KCNE3: variants seen among roughly 807,000 people sequenced by gnomAD.
KCNE3 encodes the protein potassium voltage-gated channel subfamily E member 3.
KCNE3 carries 2 observed loss-of-function variants against 4.3 expected under a neutral mutation model. That is an observed-to-expected ratio of 0.47 (90% CI 0.19 to 1.48). The LOEUF (loss-of-function observed/expected upper bound fraction) is 1.48. Ranked by LOEUF, KCNE3 falls within the 40% of genes most tolerant of loss-of-function variation. The pLI, the probability that KCNE3 is intolerant of heterozygous loss-of-function variation, is 0.25. For synonymous variants in KCNE3, 47 were observed against 52.0 expected, an observed-to-expected ratio of 0.90 and a Z score of 0.41; for missense variants, 128 against 136.8, an observed-to-expected ratio of 0.94 and a Z score of 0.32.
intron 2 of KCNE3, among the ~76,000 whole-genome samples, chr11:74,459,259 A>ATTTTT (rs35194568): frequency 1.6e-4 from 19 of 117,566 alleles, no homozygotes; most frequent in Non-Finnish European, 2.3e-4. Flanking sequence ...TATAGAAAAC[A>ATTTTT]TTTTTTTTTT....
At chr11:74,465,313 A>C (rs1864038343) in intron 1 of KCNE3, among the ~76,000 whole-genome samples, 1 of 152,160 alleles carries the variant, frequency 6.6e-6, no homozygotes. Context: ...TCATGAAAAC[A>C]GTTTACAATA....
At chr11:74,460,441 A>G (rs1019523865) in intron 2 of KCNE3, among the ~76,000 whole-genome samples, 10 of 152,232 alleles carry the variant, frequency 6.6e-5, no homozygotes, top group Admixed American at 6.5e-4. Flanking sequence ...CTCTGATACA[A>G]TGCAGGGGAC....
At chr11:74,457,706 T>C (rs1245808142) in intron 2 of KCNE3, 103 bp from the exon 3 acceptor site, 11 of 779,810 alleles carry the variant, frequency 1.4e-5, no homozygotes, top group Admixed American at 6.0e-5. Context: ...ATGGCTGATA[T>C]GGTTTGGCTG....
chr11:74,459,259 A>ATTTTTT (rs35194568), intron 2 of KCNE3, among the ~76,000 whole-genome samples: 5 of 117,570 alleles, frequency 4.3e-5, no homozygotes, highest in Non-Finnish European at 6.7e-5. Context: ...TATAGAAAAC[A>ATTTTTT]TTTTTTTTTT....
chr11:74,466,286 C>T (rs560723852), intron 1 of KCNE3, among the ~76,000 whole-genome samples: 4 of 152,314 alleles, frequency 2.6e-5, no homozygotes, highest in South Asian at 2.1e-4. Context: ...AGCACTCGCA[C>T]ATTAAGTTTA....
At position 74,456,181 on chromosome 11, in the gene KCNE3, A is replaced by ATATATATATATATATATATATAT. The variant is rs1863809814; in HGVS notation, c.*1070_*1071insATATATATATATATATATATATA. On this transcript the variant is annotated 3_prime_UTR_variant, in exon 3 of 3. Transcript: ENST00000310128. ...ATATATATATATATATATATATATAAATTAACTGGGTGTGGTGACAGGAAC... is the reference window on the plus strand; with the variant it reads ...ATATATATATATATATATATATATAATATATATATATATATATATATATATTAACTGGGTGTGGTGACAGGAAC... The ATATATATATATATATATATATAT allele has an allele frequency of 2.9e-5, 2 of 69,858 alleles. No individual in the cohort carries two copies. Among genetic ancestry groups the ATATATATATATATATATATATAT allele is most frequent in the East Asian group, 5.7e-4 (1 of 1,752 alleles). The allele number at this position is 69,858 out of a possible 1,614,324, so 4.3% of individuals were successfully genotyped here.
At position 74,461,496 on chromosome 11, in the gene KCNE3, G is replaced by A. The variant is rs956767019; in HGVS notation, c.-41+459C>T. Among the ~76,000 whole-genome samples, 9 of 151,744 alleles carry A rather than the reference G, an allele frequency of 5.9e-5. No individual in the cohort carries two copies. The South Asian group carries it at 6.2e-4, about 11-fold the overall frequency. ...AAATACAAAAATTAGCCGGGTACACGCCTGTATTCCCAGCTGCTCAGGAGG... is the reference window on the plus strand; with the variant it reads ...AAATACAAAAATTAGCCGGGTACACACCTGTATTCCCAGCTGCTCAGGAGG... On this transcript the variant is annotated intron_variant, in intron 2 of 2. Coordinates refer to ENST00000310128, the MANE Select transcript of KCNE3 (RefSeq NM_005472.5).
At chr11:74,461,403 A>AGTG (rs1229753155) in intron 2 of KCNE3, among the ~76,000 whole-genome samples, 2 of 151,822 alleles carry the variant, frequency 1.3e-5, no homozygotes, top group Non-Finnish European at 2.9e-5. Flanking sequence ...GGCTGAGGCC[A>AGTG]GTGGGTCACC....
At chr11:74,461,165 T>C (rs1367083386) in intron 2 of KCNE3, among the ~76,000 whole-genome samples, 11 of 152,176 alleles carry the variant, frequency 7.2e-5, no homozygotes, top group African/African-American at 2.2e-4. Context: ...AGTTGTTGTA[T>C]GGTAGGTATA....
chr11:74,458,293 A>T (rs1392318393), intron 2 of KCNE3, among the ~76,000 whole-genome samples: 1 of 152,258 alleles, frequency 6.6e-6, no homozygotes, highest in African/African-American at 2.4e-5. Context: ...TGAACTTTAG[A>T]TTAGAAGGAA....
chr11:74,462,816 A>G (rs887658411), intron 1 of KCNE3: 1 of 152,260 alleles, frequency 6.6e-6, no homozygotes, highest in African/African-American at 2.4e-5. Context: ...GACTTTGGAC[A>G]TAAGACTTCC....
At chr11:74,457,649 G>T in intron 2 of KCNE3, 46 bp from the exon 3 acceptor site, 1 of 1,217,328 alleles carries the variant, frequency 8.2e-7, no homozygotes, top group Non-Finnish European at 1.2e-6. Flanking sequence ...GTCACCTGCA[G>T]CTCAAATGAC....
intron 1 of KCNE3, among the ~76,000 whole-genome samples, chr11:74,465,697 C>T (rs1159784231): frequency 6.6e-6 from 1 of 152,180 alleles, no homozygotes. Flanking sequence ...GCTCTGTGTC[C>T]TTGAGCACTG....
Position 74,456,179 on chromosome 11 carries a change from T to TATATATATATAA in KCNE3, c.*1072_*1073insTTATATATATAT, listed in dbSNP as rs1340077987. 8.0e-6 allele frequency: 1 copy of TATATATATATAA among 124,486 alleles called. No homozygotes were observed. The highest frequency in any genetic ancestry group is 2.9e-4 in the East Asian group (1 of 3,504). 7.7% of individuals were successfully genotyped at this position (124,486 alleles called of 1,614,324 possible). A position where few individuals can be genotyped will look rare whatever the true frequency, so the allele number is the denominator to read the frequency against. ...AAATATATATATATATATATATATA[T>TATATATATATAA]AAATTAACTGGGTGTGGTGACAGGA... On this transcript the variant is annotated 3_prime_UTR_variant, in exon 3 of 3. Transcript: ENST00000310128.
rs1863824799 is a variant in KCNE3 at position 74,456,700 on chromosome 11, C to G, written c.*552G>C. The stretch of plus-strand genomic sequence containing the variant: ...GTGTAGCACAGAGTTTTGAAAAGCA[C>G]TAGGCAAGGAGACCAGAGTTCCTGG... On this transcript the variant is annotated 3_prime_UTR_variant, in exon 3 of 3. Coordinates refer to ENST00000310128, the MANE Select transcript of KCNE3 (RefSeq NM_005472.5). 1 of 161,550 alleles carries G rather than the reference C, an allele frequency of 6.2e-6. No homozygotes were observed. The highest frequency in any genetic ancestry group is 1.4e-5 in the Non-Finnish European group (1 of 73,368). 10.0% of individuals were successfully genotyped at this position (161,550 alleles called of 1,614,324 possible).
Position 74,457,147 on chromosome 11 carries a change from T to C in KCNE3, c.*105A>G. ...CCTTAACCGTGTTTCTTGTTGATCTTACAGATAGGGACACTGAGACCTGAT... is the reference window on the plus strand; with the variant it reads ...CCTTAACCGTGTTTCTTGTTGATCTCACAGATAGGGACACTGAGACCTGAT... On this transcript the variant is annotated 3_prime_UTR_variant, in exon 3 of 3. Transcript: ENST00000310128. 8.9e-7 allele frequency: 1 copy of C among 1,121,730 alleles called. No individual in the cohort carries two copies. Among genetic ancestry groups the C allele is most frequent in the South Asian group, 1.3e-5 (1 of 75,296 alleles). The allele number at this position is 1,121,730 out of a possible 1,614,324, so 69.5% of individuals were successfully genotyped here.
intron 2 of KCNE3, among the ~76,000 whole-genome samples, chr11:74,459,105 G>C (rs1863886291): frequency 6.6e-6 from 1 of 152,124 alleles, no homozygotes; most frequent in African/African-American, 2.4e-5. Context: ...TTCTCAGTCT[G>C]GCTTGGGGTT....
At chr11:74,458,682 A>C (rs2135006946) in intron 2 of KCNE3, among the ~76,000 whole-genome samples, 1 of 152,188 alleles carries the variant, frequency 6.6e-6, no homozygotes, top group East Asian at 1.9e-4. Flanking sequence ...AAAATACAAA[A>C]ATTAGCTGGG....
chr11:74,456,318 G>T lies in KCNE3; in HGVS notation c.*934C>A, dbSNP rs1863813455. The T allele has an allele frequency of 7.4e-6, 1 of 135,192 alleles. No homozygotes were observed. Among genetic ancestry groups the T allele is most frequent in the South Asian group, 2.5e-4 (1 of 3,994 alleles). 8.4% of individuals were successfully genotyped at this position (135,192 alleles called of 1,614,324 possible). ...CTGCACCACAGCCTGGGTGACATAG[G>T]GAGACTGTCTCAAAAAAAAAAAAAG... On this transcript the variant is annotated 3_prime_UTR_variant, in exon 3 of 3. Transcript: ENST00000310128.
Sources: allele counts gnomAD v4.1 joint callset (sites outside exome capture counted in the v4.1 genomes callset), GRCh38; gene constraint gnomAD v4.1.1; transcripts MANE v1.5; gene names NCBI Gene and HGNC (gene_info 2026-07-23, HGNC 2026-07-21).